The following TNRC6B variants were observed in gnomAD, a reference collection of about 807,000 sequenced individuals.
TNRC6B encodes trinucleotide repeat containing adaptor 6B.
In TNRC6B, 52 loss-of-function variants were observed where a neutral mutation model predicts 203.6. The observed-to-expected ratio is 0.26, with a 90% CI of 0.20 to 0.32. The LOEUF is 0.32. Among genes scored for constraint, TNRC6B ranks in the 10% least tolerant of loss-of-function variants. The probability of loss-of-function intolerance (pLI) is 1.00; values close to 1 mark genes in which losing one functional copy is unlikely to be tolerated. For missense variants in TNRC6B, 1,923 were observed against 2,286.2 expected, an observed-to-expected ratio of 0.84 and a Z score of 3.24; for synonymous variants, 838 against 845.7, an observed-to-expected ratio of 0.99 and a Z score of 0.16.
rs116837981 is a variant in TNRC6B, at chr22:40,264,110, C to T, written c.458-578C>T. On this transcript the variant is annotated intron_variant, in intron 4 of 22. Coordinates refer to ENST00000454349, the MANE Select transcript of TNRC6B (RefSeq NM_001162501.2). Reference sequence around the variant, plus strand: ...AGCAGGAAAACACAGTAGGTGCCAACGTGAAATGGTGCCAGAGTGAGAAGG... The same window carrying T: ...AGCAGGAAAACACAGTAGGTGCCAATGTGAAATGGTGCCAGAGTGAGAAGG... 2.1e-3 allele frequency among the ~76,000 whole-genome samples: 315 copies of T among 152,204 alleles called. 1 individual carries two copies. The highest frequency in any genetic ancestry group is 7.2e-3 in the African/African-American group (299 of 41,518).
rs558519465 is a variant in TNRC6B, at chr22:40,246,851, C to T, written c.93+749C>T. ...GAGAATTACAAGTAGAAACCCCTCT[C>T]GGAAAGGATCTAGTGAGCCCACGTA... On this transcript the variant is annotated intron_variant, in intron 2 of 22. Coordinates refer to ENST00000454349, the MANE Select transcript of TNRC6B (RefSeq NM_001162501.2). Among the ~76,000 whole-genome samples, 10 of 152,076 alleles carry T rather than the reference C, an allele frequency of 6.6e-5. No individual in the cohort carries two copies. The East Asian group carries it at 1.9e-3, about 29-fold the overall frequency.
At chr22:40,065,563 C>T (rs1439118752) in intron 1 of TNRC6B, among the ~76,000 whole-genome samples, 2 of 152,074 alleles carry the variant, frequency 1.3e-5, no homozygotes, top group Admixed American at 6.6e-5. Flanking sequence ...TTGTCTATTT[C>T]ATCTAGGTTT....
intron 1 of TNRC6B, among the ~76,000 whole-genome samples, chr22:40,211,896 C>T (rs944996704): frequency 4.6e-5 from 7 of 152,230 alleles, no homozygotes; most frequent in Non-Finnish European, 1.0e-4. Context: ...CTGAACTCTT[C>T]GTATTACTGT....
At chr22:40,192,568 G>C (rs1037077027) in intron 1 of TNRC6B, among the ~76,000 whole-genome samples, 1 of 152,092 alleles carries the variant, frequency 6.6e-6, no homozygotes, top group African/African-American at 2.4e-5. Flanking sequence ...AGTGAGCCGA[G>C]ATCGAGCCAC....
At position 40,076,246 on chromosome 22, in the gene TNRC6B, A is replaced by G. The variant is rs563962809; in HGVS notation, c.-121+31248A>G. Among the ~76,000 whole-genome samples, 4 of 152,270 alleles carry G rather than the reference A, an allele frequency of 2.6e-5. No individual in the cohort carries two copies. The South Asian group carries it at 8.3e-4, about 32-fold the overall frequency. On this transcript the variant is annotated intron_variant, in intron 1 of 23. Coordinates refer to the TNRC6B transcript ENST00000301923. ...AGCTTGGGCAACATGGCAAAAACCCATCTCAACAAAAAATACAAAAATTAG... is the reference window on the plus strand; with the variant it reads ...AGCTTGGGCAACATGGCAAAAACCCGTCTCAACAAAAAATACAAAAATTAG...
At chr22:40,209,570 C>A (rs1238248915) in intron 1 of TNRC6B, among the ~76,000 whole-genome samples, 2 of 152,190 alleles carry the variant, frequency 1.3e-5, no homozygotes, top group African/African-American at 2.4e-5. Flanking sequence ...CATTCTTACG[C>A]TAACCTGCCA....
chr22:40,286,912 G>A (rs1451319899), intron 12 of TNRC6B, among the ~76,000 whole-genome samples: 3 of 152,170 alleles, frequency 2.0e-5, no homozygotes, highest in African/African-American at 4.8e-5. Context: ...AATAAACCAA[G>A]CTTTGAGTCT....
At chr22:40,198,155 C>T (rs1413739941) in intron 1 of TNRC6B, among the ~76,000 whole-genome samples, 3 of 151,742 alleles carry the variant, frequency 2.0e-5, no homozygotes, top group Non-Finnish European at 4.4e-5. Context: ...AAGTACATGC[C>T]CAGTGATTTT....
intron 1 of TNRC6B, among the ~76,000 whole-genome samples, chr22:40,076,652 C>G (rs1394901314): frequency 6.6e-6 from 1 of 152,172 alleles, no homozygotes; most frequent in Non-Finnish European, 1.5e-5. Flanking sequence ...GTCTTCCCAC[C>G]TAAGCCTCTC....
chr22:40,210,472 G>A (rs1226212540), intron 1 of TNRC6B, among the ~76,000 whole-genome samples: 1 of 152,172 alleles, frequency 6.6e-6, no homozygotes, highest in East Asian at 1.9e-4. Context: ...TCTTAAAATT[G>A]GTAAGGGAGT....
chr22:40,247,360 A>G (rs1421925865), intron 2 of TNRC6B, among the ~76,000 whole-genome samples: 1 of 152,220 alleles, frequency 6.6e-6, no homozygotes, highest in Admixed American at 6.5e-5. Context: ...CAGTCAAGGC[A>G]GTCACACACA....
At chr22:40,052,444 A>ATTTTT (rs908013463) in intron 1 of TNRC6B, among the ~76,000 whole-genome samples, 654 of 51,918 alleles carry the variant, frequency 0.013, 5 homozygotes, top group Middle Eastern at 0.036. Flanking sequence ...TGTGTATTGT[A>ATTTTT]TTTTTTTTTT....
At chr22:40,171,938 G>C (rs1310477117) in intron 4 of TNRC6B, among the ~76,000 whole-genome samples, 1 of 152,078 alleles carries the variant, frequency 6.6e-6, no homozygotes, top group Non-Finnish European at 1.5e-5. Flanking sequence ...TCAGCTCACT[G>C]CAGCCTCCGC....
intron 11 of TNRC6B, among the ~76,000 whole-genome samples, chr22:40,281,578 A>G (rs932434366): frequency 2.6e-5 from 4 of 152,124 alleles, no homozygotes; most frequent in African/African-American, 9.7e-5. Flanking sequence ...TAAAGAGGCT[A>G]CGTAAGTACC....
intron 1 of TNRC6B, among the ~76,000 whole-genome samples, chr22:40,243,176 T>G (rs2070056433): frequency 6.6e-6 from 1 of 152,102 alleles, no homozygotes; most frequent in Admixed American, 6.6e-5. Context: ...GCCTGGATTT[T>G]TTTAAAGCTC....
chr22:40,281,082 C>T, intron 10 of TNRC6B, 37 bp from the exon 11 acceptor site: 1 of 1,508,012 alleles, frequency 6.6e-7, no homozygotes, highest in Non-Finnish European at 8.9e-7. Context: ...CACTAACCAA[C>T]ACTCGTTGTG....
At chr22:40,055,397 G>A (rs779917977) in intron 1 of TNRC6B, among the ~76,000 whole-genome samples, 1 of 151,720 alleles carries the variant, frequency 6.6e-6, no homozygotes, top group African/African-American at 2.4e-5. Context: ...TAGAGGCATG[G>A]GGGAGCGTTT....
At chr22:40,103,277 A>G (rs1291768786) in intron 1 of TNRC6B, among the ~76,000 whole-genome samples, 1 of 151,810 alleles carries the variant, frequency 6.6e-6, no homozygotes, top group Non-Finnish European at 1.5e-5. Flanking sequence ...CAAAAAAAAA[A>G]AAAAAGTCTA....
At chr22:40,246,246 G>C (rs1172706360) in intron 2 of TNRC6B, 144 bp downstream of exon 2, 1 of 559,790 alleles carries the variant, frequency 1.8e-6, no homozygotes, top group African/African-American at 1.9e-5. Context: ...CTGGAGTGCA[G>C]TGGCGTGATC....
Sources: gnomAD v4.1 joint callset for allele counts (sites outside exome capture counted in the v4.1 genomes callset) on GRCh38, gnomAD v4.1.1 for gene constraint, MANE v1.5 for transcripts, NCBI Gene and HGNC (gene_info 2026-07-23, HGNC 2026-07-21) for gene names.